Variants in ADCY5 observed in about 807,000 individuals in gnomAD.
ADCY5 encodes adenylate cyclase type 5.
In ADCY5, 30 loss-of-function variants were observed where a neutral mutation model predicts 119.7. The observed-to-expected ratio is 0.25, with a 90% CI of 0.19 to 0.34. The LOEUF is 0.34. Among genes scored for constraint, ADCY5 ranks in the 10% least tolerant of loss-of-function variants. ADCY5 has a pLI of 1.00. For missense variants in ADCY5, 1,324 were observed against 1,775.2 expected (o/e 0.75, Z 4.57); for synonymous variants, 753 against 762.2 (o/e 0.99, Z 0.20).
At position 123,289,739 on chromosome 3, in the gene ADCY5, C is replaced by T; in HGVS notation, c.3532+11G>A. 2 of 1,612,808 alleles carry T rather than the reference C, an allele frequency of 1.2e-6. No individual in the cohort carries two copies. The highest frequency in any genetic ancestry group is 1.7e-6 in the Non-Finnish European group (2 of 1,179,836). ...CACCCTGGGCTCAGCACTCCCTGGG[C>T]CCCCACTCACCGATCTTCATCTGGA... On this transcript the variant is annotated intron_variant, in intron 19 of 20. Coordinates refer to ENST00000462833, the MANE Select transcript of ADCY5 (RefSeq NM_183357.3).
intron 12 of ADCY5, among the ~76,000 whole-genome samples, chr3:123,312,784 T>C (rs1435449859): frequency 1.3e-5 from 2 of 152,234 alleles, no homozygotes; most frequent in Non-Finnish European, 2.9e-5. Flanking sequence ...GCACGTTTTG[T>C]TTATCTATTC....
chr3:123,416,144 A>G (rs1945179950), intron 1 of ADCY5: 2 of 1,535,110 alleles, frequency 1.3e-6, no homozygotes, highest in Admixed American at 2.0e-5. Context: ...GCAGAAAGGG[A>G]CAGGTAGTGT....
At chr3:123,368,987 A>G (rs1400599388) in intron 1 of ADCY5, among the ~76,000 whole-genome samples, 2 of 152,180 alleles carry the variant, frequency 1.3e-5, no homozygotes, top group Non-Finnish European at 2.9e-5. Flanking sequence ...ATCAAACACA[A>G]GGTGGGAGAT....
intron 6 of ADCY5, among the ~76,000 whole-genome samples, chr3:123,328,313 C>G (rs1941591754): frequency 6.6e-6 from 1 of 152,074 alleles, no homozygotes; most frequent in Admixed American, 6.5e-5. Context: ...TATGGTCTAG[C>G]CATCCCAGAA....
At chr3:123,305,690 G>A (rs567012913) in intron 12 of ADCY5, among the ~76,000 whole-genome samples, 1 of 152,338 alleles carries the variant, frequency 6.6e-6, no homozygotes, top group African/African-American at 2.4e-5. Flanking sequence ...CTTGTAAGTA[G>A]ACAGAGTTCT....
At chr3:123,356,595 C>T (rs934051890) in intron 1 of ADCY5, among the ~76,000 whole-genome samples, 2 of 152,126 alleles carry the variant, frequency 1.3e-5, no homozygotes, top group Admixed American at 6.5e-5. Flanking sequence ...AACTGCAGAA[C>T]CTATCATACA....
intron 17 of ADCY5, among the ~76,000 whole-genome samples, chr3:123,292,546 C>T (rs1939216147): frequency 6.6e-6 from 1 of 152,206 alleles, no homozygotes; most frequent in Non-Finnish European, 1.5e-5. Flanking sequence ...CTTCCACCAC[C>T]ACCCACAGAG....
chr3:123,384,015 T>C (rs12633849), intron 1 of ADCY5, among the ~76,000 whole-genome samples: 71,373 of 150,966 alleles, frequency 0.47, 17,677 homozygotes, highest in East Asian at 0.68. Flanking sequence ...AGGGTGGCCT[T>C]GTAAATGATC....
chr3:123,370,064 G>C (rs1576632238), intron 1 of ADCY5, among the ~76,000 whole-genome samples: 1 of 152,268 alleles, frequency 6.6e-6, no homozygotes, highest in East Asian at 1.9e-4. Flanking sequence ...ATGGAGGCAT[G>C]ACCTAATGCC....
intron 1 of ADCY5, among the ~76,000 whole-genome samples, chr3:123,389,090 G>A (rs749384709): frequency 1.3e-5 from 2 of 152,154 alleles, no homozygotes; most frequent in African/African-American, 4.8e-5. Flanking sequence ...GGAATGCCTT[G>A]GGCAGGAGAA....
intron 16 of ADCY5, chr3:123,297,125 C>T (rs1317806210): frequency 7.0e-7 from 1 of 1,428,648 alleles, no homozygotes; most frequent in Non-Finnish European, 9.5e-7. Flanking sequence ...GTGATCCCAA[C>T]CACAGAGACT....
At chr3:123,396,746 GA>G (rs1944589417) in intron 1 of ADCY5, among the ~76,000 whole-genome samples, 2 of 58,210 alleles carry the variant, frequency 3.4e-5, no homozygotes, top group Non-Finnish European at 8.1e-5. Flanking sequence ...AGGAAGGAAG[GA>G]AGGAAGGAAG....
chr3:123,434,688 A>T (rs1945577407), intron 1 of ADCY5, among the ~76,000 whole-genome samples: 1 of 152,138 alleles, frequency 6.6e-6, no homozygotes, highest in Non-Finnish European at 1.5e-5. Context: ...TCATCCCGAG[A>T]GTTAAATATA....
intron 1 of ADCY5, among the ~76,000 whole-genome samples, chr3:123,443,336 G>C (rs1030377955): frequency 4.6e-5 from 7 of 152,180 alleles, no homozygotes; most frequent in African/African-American, 1.7e-4. Flanking sequence ...CAAACGGCCA[G>C]GGGAAGCCAA....
chr3:123,322,574 C>T (rs757379215), intron 8 of ADCY5, among the ~76,000 whole-genome samples: 1 of 152,160 alleles, frequency 6.6e-6, no homozygotes, highest in South Asian at 2.1e-4. Flanking sequence ...GCTCAAATCC[C>T]GCCACCTACT....
intron 6 of ADCY5, among the ~76,000 whole-genome samples, chr3:123,328,110 C>T (rs777893169): frequency 2.0e-5 from 3 of 152,008 alleles, no homozygotes; most frequent in Non-Finnish European, 4.4e-5. Flanking sequence ...TCCAAATTCA[C>T]GAGCCTGGCA....
chr3:123,345,765 G>GAC (rs1491192654), intron 3 of ADCY5, among the ~76,000 whole-genome samples: 136 of 135,442 alleles, frequency 1.0e-3, no homozygotes, highest in African/African-American at 3.9e-3. Flanking sequence ...CAGACAGACA[G>GAC]ACAGACACAC....
intron 11 of ADCY5, among the ~76,000 whole-genome samples, chr3:123,314,606 G>A (rs1000029288): frequency 1.3e-5 from 2 of 152,208 alleles, no homozygotes; most frequent in African/African-American, 4.8e-5. Flanking sequence ...GGAGACAGCA[G>A]CCCACAGGAA....
rs941340848 is a variant in ADCY5, at chr3:123,308,534, A to G, written c.2443-4351T>C. 9.2e-5 allele frequency among the ~76,000 whole-genome samples: 14 copies of G among 151,972 alleles called. No homozygotes were observed. The East Asian group carries it at 2.3e-3, about 25-fold the overall frequency. ...CTAGATTTTACTAACCCCAGTTTGGATCTTAAAACTCTTGGCCACGCGCAG... is the reference window on the plus strand; with the variant it reads ...CTAGATTTTACTAACCCCAGTTTGGGTCTTAAAACTCTTGGCCACGCGCAG... On this transcript the variant is annotated intron_variant, in intron 12 of 20. Transcript: ENST00000462833.
Sources: gnomAD v4.1 joint callset for allele counts (sites outside exome capture counted in the v4.1 genomes callset) on GRCh38, gnomAD v4.1.1 for gene constraint, MANE v1.5 for transcripts, NCBI Gene and HGNC (gene_info 2026-07-23, HGNC 2026-07-21) for gene names.